Variants in SKAP1 observed in about 807,000 individuals in gnomAD.
The protein encoded by SKAP1 is src kinase-associated phosphoprotein 1.
SKAP1 carries 44 observed loss-of-function variants against 58.5 expected under a neutral mutation model. The observed-to-expected ratio is 0.75, with a 90% CI of 0.59 to 0.97. SKAP1 has a LOEUF of 0.97. Ranked by LOEUF, SKAP1 falls within the 50% of genes least tolerant of loss-of-function variation. The pLI is 0.00. For synonymous variants in SKAP1, 127 were observed against 149.7 expected (o/e 0.85, Z 1.11); for missense variants, 390 against 435.2 (o/e 0.90, Z 0.92).
At chr17:48,361,320 C>T (rs1167540367) in intron 3 of SKAP1, among the ~76,000 whole-genome samples, 1 of 151,938 alleles carries the variant, frequency 6.6e-6, no homozygotes, top group African/African-American at 2.4e-5. Flanking sequence ...ACTCTCCTGC[C>T]TCAGCCTCCC....
intron 4 of SKAP1, among the ~76,000 whole-genome samples, chr17:48,320,905 A>G (rs182228017): frequency 6.6e-6 from 1 of 152,346 alleles, no homozygotes; most frequent in Admixed American, 6.5e-5. Flanking sequence ...TGATTATTGA[A>G]TACATTACAC....
At chr17:48,413,514 CAA>C (rs1222640261) in intron 1 of SKAP1, among the ~76,000 whole-genome samples, 1 of 99,928 alleles carries the variant, frequency 1.0e-5, no homozygotes, top group Admixed American at 1.1e-4. Flanking sequence ...AACTCCGTCT[CAA>C]AAAAAAAATA....
chr17:48,139,482 C>T (rs982740546), intron 11 of SKAP1, among the ~76,000 whole-genome samples: 2 of 152,146 alleles, frequency 1.3e-5, no homozygotes, highest in Non-Finnish European at 2.9e-5. Context: ...TGCCTGGCCC[C>T]GAATGAAATT....
intron 4 of SKAP1, among the ~76,000 whole-genome samples, chr17:48,267,558 T>C (rs1425091337): frequency 6.6e-6 from 1 of 152,214 alleles, no homozygotes; most frequent in Non-Finnish European, 1.5e-5. Context: ...TATTGCCCTA[T>C]ATTAATCATT....
intron 4 of SKAP1, among the ~76,000 whole-genome samples, chr17:48,291,079 A>G (rs1487641254): frequency 6.6e-6 from 1 of 152,170 alleles, no homozygotes; most frequent in Non-Finnish European, 1.5e-5. Flanking sequence ...TGATGGCACC[A>G]CTGCACTCCA....
chr17:48,164,134 AT>A (rs1177316432), intron 10 of SKAP1, among the ~76,000 whole-genome samples: 3 of 152,262 alleles, frequency 2.0e-5, no homozygotes, highest in Admixed American at 1.3e-4. Context: ...ATTTTTGGAA[AT>A]ATTAAGTACA....
At chr17:48,300,839 A>G (rs1263861244) in intron 4 of SKAP1, among the ~76,000 whole-genome samples, 8 of 151,746 alleles carry the variant, frequency 5.3e-5, no homozygotes, top group African/African-American at 1.9e-4. Flanking sequence ...ATGGCTTTTT[A>G]CTCTTAGTAA....
chr17:48,310,775 T>A (rs1395499536), intron 4 of SKAP1, among the ~76,000 whole-genome samples: 1 of 145,498 alleles, frequency 6.9e-6, no homozygotes, highest in Non-Finnish European at 1.6e-5. Context: ...CAATTAAAGA[T>A]GCTTAAAAAA....
intron 4 of SKAP1, among the ~76,000 whole-genome samples, chr17:48,331,495 T>C (rs1348414205): frequency 6.6e-6 from 1 of 151,392 alleles, no homozygotes; most frequent in African/African-American, 2.4e-5. Context: ...AGGTCGGGAG[T>C]TGGAGACCAG....
chr17:48,221,724 G>C (rs757211554), intron 4 of SKAP1, among the ~76,000 whole-genome samples: 1 of 152,202 alleles, frequency 6.6e-6, no homozygotes, highest in African/African-American at 2.4e-5. Flanking sequence ...GAATTGCCGA[G>C]TATCTTTAAG....
chr17:48,214,523 C>T (rs1020008539), intron 4 of SKAP1, among the ~76,000 whole-genome samples: 4 of 152,154 alleles, frequency 2.6e-5, no homozygotes, highest in African/African-American at 7.2e-5. Flanking sequence ...ATCTACCCAC[C>T]TTGGCCTCCC....
rs138282794 is a variant in SKAP1 at position 48,375,617 on chromosome 17, A to G, written c.153-11803T>C. Among the ~76,000 whole-genome samples the G allele has an allele frequency of 4.8e-3, 727 of 152,324 alleles. 6 individuals carry two copies. Among genetic ancestry groups the G allele is most frequent in the African/African-American group, 0.015 (618 of 41,572 alleles). On this transcript the variant is annotated intron_variant, in intron 2 of 12. Transcript: ENST00000336915. Reference sequence around the variant, plus strand: ...TTTTTCACCAGCAAATCTCACTAGTATGTCTACACAATCCCCATACTTCCT... The same window carrying G: ...TTTTTCACCAGCAAATCTCACTAGTGTGTCTACACAATCCCCATACTTCCT...
intron 4 of SKAP1, among the ~76,000 whole-genome samples, chr17:48,321,438 C>T (rs529715742): frequency 6.6e-5 from 10 of 150,624 alleles, no homozygotes; most frequent in South Asian, 4.2e-4. Context: ...AGTGCAGTGG[C>T]GCAATCTTGG....
intron 4 of SKAP1, among the ~76,000 whole-genome samples, chr17:48,226,798 T>C (rs1447937099): frequency 6.6e-6 from 1 of 152,238 alleles, no homozygotes; most frequent in Non-Finnish European, 1.5e-5. Flanking sequence ...GTCTGCATGG[T>C]AAACTTGATG....
At chr17:48,210,477 G>A (rs183722490) in intron 4 of SKAP1, among the ~76,000 whole-genome samples, 151 of 152,270 alleles carry the variant, frequency 9.9e-4, no homozygotes, top group African/African-American at 3.5e-3. Flanking sequence ...GCTTGCTGGA[G>A]GGCCTTGGTG....
intron 11 of SKAP1, among the ~76,000 whole-genome samples, chr17:48,159,614 G>C (rs2064040282): frequency 6.6e-6 from 1 of 152,148 alleles, no homozygotes; most frequent in African/African-American, 2.4e-5. Context: ...GCTAAAGTGG[G>C]AATAAATTAG....
At chr17:48,429,568 G>C (rs1407429704) in intron 1 of SKAP1, among the ~76,000 whole-genome samples, 1 of 152,126 alleles carries the variant, frequency 6.6e-6, no homozygotes, top group Non-Finnish European at 1.5e-5. Context: ...TGGGGTTTTC[G>C]CACTGACAAA....
chr17:48,395,454 G>A (rs188976272), intron 2 of SKAP1, among the ~76,000 whole-genome samples: 6 of 151,722 alleles, frequency 4.0e-5, no homozygotes, highest in Admixed American at 6.6e-5. Flanking sequence ...CCTTTATTCC[G>A]CAAGCCACCC....
At chr17:48,300,051 A>C (rs1488156207) in intron 4 of SKAP1, among the ~76,000 whole-genome samples, 1 of 152,068 alleles carries the variant, frequency 6.6e-6, no homozygotes, top group Non-Finnish European at 1.5e-5. Flanking sequence ...CAGTGTTATG[A>C]GAAAACTGTT....
Sources: gnomAD v4.1 joint callset for allele counts (sites outside exome capture counted in the v4.1 genomes callset) on GRCh38, gnomAD v4.1.1 for gene constraint, MANE v1.5 for transcripts, NCBI Gene and HGNC (gene_info 2026-07-23, HGNC 2026-07-21) for gene names.